Variants in ARNT observed in about 807,000 individuals in gnomAD.
The protein encoded by ARNT is class E basic helix-loop-helix protein 2.
ARNT carries 30 observed loss-of-function variants against 105.0 expected under a neutral mutation model. The observed-to-expected ratio is 0.29, with a 90% CI of 0.21 to 0.39. The LOEUF is 0.39. Among genes scored for constraint, ARNT ranks in the 10% least tolerant of loss-of-function variants. ARNT has a pLI of 1.00. For synonymous variants in ARNT, 304 were observed against 344.0 expected, an observed-to-expected ratio of 0.88 and a Z score of 1.29; for missense variants, 748 against 978.7, an observed-to-expected ratio of 0.76 and a Z score of 3.15.
chr1:150,817,732 C>T (rs587703184), intron 15 of ARNT, among the ~76,000 whole-genome samples, 188 bp downstream of exon 15: 41 of 151,466 alleles, frequency 2.7e-4, no homozygotes, highest in African/African-American at 9.2e-4. Context: ...TCACTTGAAC[C>T]CAGGAGACAG....
Position 150,846,309 on chromosome 1 carries a change from T to G in ARNT, c.183-2A>C. 6.2e-7 allele frequency: 1 copy of G among 1,613,596 alleles called. No individual in the cohort carries two copies. The highest frequency in any genetic ancestry group is 8.5e-7 in the Non-Finnish European group (1 of 1,179,722). ...TTAGACATCTGATCATCATCACACCTGAAGGAGAGAAAAAGGATTGTTTCA... is the reference window on the plus strand; with the variant it reads ...TTAGACATCTGATCATCATCACACCGGAAGGAGAGAAAAAGGATTGTTTCA... On this transcript the variant is annotated splice_acceptor_variant, in intron 3 of 21. Coordinates refer to ENST00000358595, the MANE Select transcript of ARNT (RefSeq NM_001668.4). LOFTEE classifies it high-confidence loss of function.
At chr1:150,854,137 G>A (rs1664121336) in intron 2 of ARNT, among the ~76,000 whole-genome samples, 2 of 152,158 alleles carry the variant, frequency 1.3e-5, no homozygotes. Context: ...TCAGGCTGGA[G>A]TACAGTGGCA....
At chr1:150,853,052 G>T in intron 2 of ARNT, 1 of 472,834 alleles carries the variant, frequency 2.1e-6, no homozygotes. Context: ...AGGCTGAGGT[G>T]GGTGGATCAC....
chr1:150,823,278 A>G lies in ARNT; in HGVS notation c.1310T>C (p.Leu437Pro). 2.5e-6 allele frequency: 4 copies of G among 1,614,124 alleles called. No homozygotes were observed. Among genetic ancestry groups the G allele is most frequent in the Non-Finnish European group, 3.4e-6 (4 of 1,179,974 alleles). The change falls in exon 14 of 22, where the codon CTC (leucine) becomes CCC (proline). Residue 437 changes from leucine (L) to proline (P), a missense_variant. By Grantham distance (98) the Leu-to-Pro change is moderately conservative (BLOSUM62 -3). Around this residue, in one of 4 missense-constraint regions of ARNT, gnomAD observed 291 missense variants for 444.6 expected, o/e 0.65. Coordinates refer to ENST00000358595, the MANE Select transcript of ARNT (RefSeq NM_001668.4). ...FRFRSKNQEWLWMRTSSFTFQ... is the reference protein window; with the variant it reads ...FRFRSKNQEWPWMRTSSFTFQ... ...AGTAAAGGAGCTGGTTCTCATCCAG[A>G]GCCATTCTTGGTTCTTAGACCGGAA...
At chr1:150,817,467 GA>G (rs754195399) in intron 15 of ARNT, 34 bp from the exon 16 acceptor site, 16 of 1,589,518 alleles carry the variant, frequency 1.0e-5, no homozygotes, top group South Asian at 9.0e-5. Flanking sequence ...AAGACAAATA[GA>G]AAAAAAAATT....
At chr1:150,830,250 GTGAGAGAATCACTTGAACC>G in intron 10 of ARNT, 2 of 308,016 alleles carry the variant, frequency 6.5e-6, no homozygotes, top group Non-Finnish European at 6.1e-6. Context: ...GGAGGCTGAG[GTGAGAGAATCACTTGAACC>G]CAGGAGGCGG....
At chr1:150,854,750 G>A (rs778980655) in intron 2 of ARNT, among the ~76,000 whole-genome samples, 46 of 151,320 alleles carry the variant, frequency 3.0e-4, no homozygotes, top group South Asian at 2.5e-3. Context: ...CCAGCTACTC[G>A]GGAGGCTGAG....
At chr1:150,813,991 C>A in intron 20 of ARNT, 86 bp downstream of exon 20, 1 of 1,521,294 alleles carries the variant, frequency 6.6e-7, no homozygotes, top group East Asian at 2.3e-5. Flanking sequence ...AGTGTACCCA[C>A]AACACAGGCA....
At chr1:150,870,841 G>A (rs187382202) in intron 1 of ARNT, among the ~76,000 whole-genome samples, 27 of 151,856 alleles carry the variant, frequency 1.8e-4, no homozygotes, top group Admixed American at 1.4e-3. Context: ...AAACTTACTT[G>A]TCCATTCAAC....
At chr1:150,818,710 C>G (rs1358574305) in intron 14 of ARNT, among the ~76,000 whole-genome samples, 1 of 151,712 alleles carries the variant, frequency 6.6e-6, no homozygotes, top group Non-Finnish European at 1.5e-5. Context: ...GATAGCGCCA[C>G]CGCACTCCAG....
chr1:150,846,813 T>A (rs1379591033), intron 3 of ARNT, among the ~76,000 whole-genome samples: 1 of 152,198 alleles, frequency 6.6e-6, no homozygotes, highest in Non-Finnish European at 1.5e-5. Flanking sequence ...CATTTTACTT[T>A]CTGTGTCTAT....
At chr1:150,823,489 G>A in intron 13 of ARNT, 144 bp from the exon 14 acceptor site, 1 of 662,256 alleles carries the variant, frequency 1.5e-6, no homozygotes, top group South Asian at 3.0e-5. Context: ...AACAAAATGA[G>A]AGTAAAAACT....
rs768932097 is a variant in ARNT, at chr1:150,810,389, G to A, written c.*1632C>T. ...ATTGGAAACTCAACTTTTTGGTTTC[G>A]TAAATTGTGATATAAATATATATGT... On this transcript the variant is annotated 3_prime_UTR_variant, in exon 22 of 22. Coordinates refer to ENST00000358595, the MANE Select transcript of ARNT (RefSeq NM_001668.4). 5 of 222,742 alleles carry A rather than the reference G, an allele frequency of 2.2e-5. No individual in the cohort carries two copies. Among genetic ancestry groups the A allele is most frequent in the Non-Finnish European group, 2.7e-5 (3 of 111,288 alleles). The allele number at this position is 222,742 out of a possible 1,614,324, so 13.8% of individuals were successfully genotyped here.
Position 150,818,025 on chromosome 1 carries a change from G to A in ARNT, c.1400C>T (p.Ser467Phe), listed in dbSNP as rs1046719835. The change falls in exon 15 of 22, where the codon TCT (serine) becomes TTT (phenylalanine). Residue 467 changes from serine to phenylalanine, a missense_variant. Ser to Phe is a radical substitution (Grantham distance 155). Coordinates refer to ENST00000358595, the MANE Select transcript of ARNT (RefSeq NM_001668.4). ...GAGTGTAGGCCGTGGTTCTTGGCTA[G>A]AGTTCCTAGGAAACCAGAGTAGACA... ...IICTNTNVKN[S>F]SQEPRPTLSN... is the part of the protein sequence containing the mutation. 1 of 1,609,630 alleles carries A rather than the reference G, an allele frequency of 6.2e-7. No homozygotes were observed. The highest frequency in any genetic ancestry group is 1.3e-5 in the African/African-American group (1 of 74,416).
At chr1:150,871,907 C>CAAAAA (rs776523588) in intron 1 of ARNT, among the ~76,000 whole-genome samples, 9 of 40,082 alleles carry the variant, frequency 2.2e-4, no homozygotes, top group Non-Finnish European at 2.9e-4. Context: ...GACCCTGTCT[C>CAAAAA]AAAAAAAAAA....
At chr1:150,855,501 G>A (rs587625208) in intron 2 of ARNT, among the ~76,000 whole-genome samples, 1 of 152,182 alleles carries the variant, frequency 6.6e-6, no homozygotes, top group South Asian at 2.1e-4. Context: ...GGCGGAGCTT[G>A]CAGTGAGCCA....
chr1:150,869,344 G>A (rs1221255600), intron 1 of ARNT, among the ~76,000 whole-genome samples: 2 of 152,026 alleles, frequency 1.3e-5, no homozygotes, highest in African/African-American at 2.4e-5. Context: ...GGGCATGGTG[G>A]TGGATGCCTG....
chr1:150,835,314 A>G (rs1660126592), intron 7 of ARNT, among the ~76,000 whole-genome samples: 1 of 152,160 alleles, frequency 6.6e-6, no homozygotes, highest in Admixed American at 6.5e-5. Flanking sequence ...AAAGGAGGGG[A>G]AAACTGGTCA....
rs756047101 is a variant in ARNT, at chr1:150,846,228, T to C, written c.227+35A>G. 1.9e-6 allele frequency: 3 copies of C among 1,545,838 alleles called. No individual in the cohort carries two copies. The South Asian group carries it at 3.4e-5, about 17-fold the overall frequency. On this transcript the variant is annotated intron_variant, in intron 4 of 21. Coordinates refer to ENST00000358595, the MANE Select transcript of ARNT (RefSeq NM_001668.4). ...TCTGGTTCTACAACATGGATCATAT[T>C]ATATATTACAATATATTACCTACTA...
Sources: allele counts gnomAD v4.1 joint callset (sites outside exome capture counted in the v4.1 genomes callset), GRCh38; gene constraint gnomAD v4.1.1; regional missense constraint gnomAD v4.1.1; transcripts MANE v1.5; gene names NCBI Gene and HGNC (gene_info 2026-07-23, HGNC 2026-07-21).